The following VPS8 variants were observed in gnomAD, a reference collection of about 807,000 sequenced individuals.
VPS8 encodes vacuolar protein sorting-associated protein 8 homolog.
VPS8 carries 129 observed loss-of-function variants against 216.4 expected under a neutral mutation model. That is an observed-to-expected ratio of 0.60 (90% CI 0.52 to 0.69). The LOEUF (loss-of-function observed/expected upper bound fraction) is 0.69. Ranked by LOEUF, VPS8 falls within the 30% of genes least tolerant of loss-of-function variation. The probability of loss-of-function intolerance (pLI) is 0.00; values close to 1 mark genes in which losing one functional copy is unlikely to be tolerated. For synonymous variants in VPS8, 571 were observed against 565.4 expected, an observed-to-expected ratio of 1.01 and a Z score of -0.14; for missense variants, 1,531 against 1,683.5, an observed-to-expected ratio of 0.91 and a Z score of 1.59.
intron 47 of VPS8, 127 bp downstream of exon 47, chr3:185,048,686 T>C: frequency 1.0e-6 from 1 of 964,552 alleles, no homozygotes; most frequent in Non-Finnish European, 1.5e-6. Context: ...ATCCCTGTTA[T>C]GGCTACATGG....
intron 44 of VPS8, among the ~76,000 whole-genome samples, chr3:184,996,891 A>G (rs1752683931): frequency 6.6e-6 from 1 of 152,200 alleles, no homozygotes; most frequent in African/African-American, 2.4e-5. Flanking sequence ...CTGGTGTATT[A>G]GATGTGGAGT....
chr3:184,869,014 A>G lies in VPS8; in HGVS notation c.1575A>G (p.Glu525=). 6.2e-7 allele frequency: 1 copy of G among 1,608,670 alleles called. No homozygotes were observed. Among genetic ancestry groups the G allele is most frequent in the African/African-American group, 1.3e-5 (1 of 75,006 alleles). ...TGGCTCTTGCGTGGTCTTTCCATGA[A>G]GGAAAAGCAAAAGCAGTAGTGGGTG... The part of the protein sequence containing the change: ...EALALAWSFH[E]GKAKAVVGLS... The change falls in exon 19 of 48, where the codon GAA becomes GAG. Residue 525 remains glutamate, a synonymous_variant. Coordinates refer to ENST00000625842, the MANE Select transcript of VPS8 (RefSeq NM_001009921.3).
intron 15 of VPS8, 49 bp from the exon 16 acceptor site, chr3:184,862,848 T>C: frequency 6.4e-7 from 1 of 1,567,488 alleles, no homozygotes; most frequent in Non-Finnish European, 8.7e-7. Context: ...ACCCAAATGA[T>C]GAAGCGGGTG....
intron 1 of VPS8, chr3:184,817,356 A>C (rs1405020648): frequency 2.0e-5 from 3 of 152,364 alleles, no homozygotes; most frequent in Non-Finnish European, 2.9e-5. Flanking sequence ...TGAACAAGGC[A>C]GATCTGGTCT....
In VPS8 at chr3:184,964,509, A is replaced by C; in HGVS notation, c.3225A>C (p.Leu1075=). The change falls in exon 38 of 48, where the codon CTA becomes CTC. Residue 1075 remains leucine, a synonymous_variant. Coordinates refer to ENST00000625842, the MANE Select transcript of VPS8 (RefSeq NM_001009921.3). Reference sequence around the variant, plus strand: ...AACTTCATGAAGTCACCGCTTATCTATTGGAAAAGAAAGGAGATATTCATG... The same window carrying C: ...AACTTCATGAAGTCACCGCTTATCTCTTGGAAAAGAAAGGAGATATTCATG... ...KYQLHEVTAY[L]LEKKGDIHGA... is the part of the protein sequence containing the mutation. 2 of 1,520,106 alleles carry C rather than the reference A, an allele frequency of 1.3e-6. No homozygotes were observed. Among genetic ancestry groups the C allele is most frequent in the Non-Finnish European group, 1.8e-6 (2 of 1,128,852 alleles). 94.2% of individuals were successfully genotyped at this position (1,520,106 alleles called of 1,614,324 possible).
At chr3:184,899,425 G>A (rs1002778228) in intron 24 of VPS8, among the ~76,000 whole-genome samples, 1 of 152,182 alleles carries the variant, frequency 6.6e-6, no homozygotes, top group African/African-American at 2.4e-5. Context: ...TTCTATGATA[G>A]GTAGGCTTCT....
chr3:184,915,714 C>T (rs1376622556), intron 28 of VPS8, among the ~76,000 whole-genome samples: 1 of 152,126 alleles, frequency 6.6e-6, no homozygotes, highest in African/African-American at 2.4e-5. Flanking sequence ...GAGGCTGAGG[C>T]AGGAGAATTG....
intron 39 of VPS8, among the ~76,000 whole-genome samples, chr3:184,970,894 T>G (rs1438731365): frequency 6.6e-6 from 1 of 152,208 alleles, no homozygotes; most frequent in African/African-American, 2.4e-5. Context: ...TGTGGTCATA[T>G]GCAAGCACAG....
At chr3:184,852,820 A>G (rs1374947393) in intron 11 of VPS8, among the ~76,000 whole-genome samples, 1 of 152,188 alleles carries the variant, frequency 6.6e-6, no homozygotes, top group Non-Finnish European at 1.5e-5. Flanking sequence ...ATATGCTGTC[A>G]AGCTTGGGAC....
rs147317730 is a variant in VPS8, at chr3:184,941,243, C to CATTTAAATCTTGAATAGGCTGTGGTAT, written c.3035+1026_3035+1027insTATTTAAATCTTGAATAGGCTGTGGTA. On this transcript the variant is annotated intron_variant, in intron 36 of 47. Transcript: ENST00000625842. ...TGTAAAATTTTTTTGAAAGCTCAACCATTTAAATCTTGAATAGGCTGTGGT... is the reference window on the plus strand; with the variant it reads ...TGTAAAATTTTTTTGAAAGCTCAACCATTTAAATCTTGAATAGGCTGTGGTATATTTAAATCTTGAATAGGCTGTGGT... 9.7e-4 allele frequency among the ~76,000 whole-genome samples: 78 copies of CATTTAAATCTTGAATAGGCTGTGGTAT among 80,506 alleles called. 1 individual carries two copies. In the Middle Eastern group the frequency reaches 0.029, roughly 30 times the overall value. The allele number at this position is 80,506 out of a possible 152,430, so 52.8% of individuals were successfully genotyped here. A position where few individuals can be genotyped will look rare whatever the true frequency, so the allele number is the denominator to read the frequency against.
intron 2 of VPS8, among the ~76,000 whole-genome samples, chr3:184,825,425 A>G (rs1189915076): frequency 6.6e-6 from 1 of 152,210 alleles, no homozygotes; most frequent in Non-Finnish European, 1.5e-5. Context: ...GAGTATGAGA[A>G]TAACAGCATG....
At chr3:185,001,611 G>A (rs4686950) in intron 45 of VPS8, among the ~76,000 whole-genome samples, 135,179 of 149,700 alleles carry the variant, frequency 0.9, 61,481 homozygotes, top group Non-Finnish European at 0.98. Context: ...TGGAGGTTTC[G>A]TTATGTAGTC....
At chr3:184,840,053 C>A in intron 7 of VPS8, 1 of 389,392 alleles carries the variant, frequency 2.6e-6, no homozygotes, top group Non-Finnish European at 3.7e-6. Context: ...ATCTTGTCTG[C>A]CTCCGGTTGT....
intron 45 of VPS8, among the ~76,000 whole-genome samples, chr3:185,012,187 A>G (rs1755105537): frequency 6.7e-6 from 1 of 149,956 alleles, no homozygotes; most frequent in African/African-American, 2.4e-5. Context: ...GAAGTCTATC[A>G]TATATACAAA....
intron 46 of VPS8, among the ~76,000 whole-genome samples, chr3:185,043,704 C>G (rs1479987526): frequency 6.6e-6 from 1 of 152,154 alleles, no homozygotes; most frequent in Non-Finnish European, 1.5e-5. Flanking sequence ...CCATTAGCTG[C>G]TCTCTCGTTC....
chr3:184,966,168 G>A (rs1263920264), intron 38 of VPS8, among the ~76,000 whole-genome samples: 1 of 152,162 alleles, frequency 6.6e-6, no homozygotes, highest in South Asian at 2.1e-4. Flanking sequence ...ATGAGAGGGA[G>A]CAAGAGTGGG....
chr3:184,843,226 C>T lies in VPS8; in HGVS notation c.536-14C>T. On this transcript the variant is annotated splice_polypyrimidine_tract_variant and intron_variant, in intron 7 of 47. Transcript: ENST00000625842. ...TCTTTATCTTTCTTGATCTTTTCTTCATGGATTCAAAAGGAAAAGGTATAG... is the reference window on the plus strand; with the variant it reads ...TCTTTATCTTTCTTGATCTTTTCTTTATGGATTCAAAAGGAAAAGGTATAG... 7.0e-7 allele frequency: 1 copy of T among 1,424,580 alleles called. No homozygotes were observed. The highest frequency in any genetic ancestry group is 9.3e-7 in the Non-Finnish European group (1 of 1,079,042). 88.2% of individuals were successfully genotyped at this position (1,424,580 alleles called of 1,614,324 possible).
chr3:184,880,412 G>A (rs1407904334), intron 21 of VPS8, among the ~76,000 whole-genome samples: 2 of 151,984 alleles, frequency 1.3e-5, no homozygotes, highest in East Asian at 3.9e-4. Context: ...GAATCATAGA[G>A]TGTGTAACCT....
chr3:184,929,468 G>A, intron 32 of VPS8, 112 bp from the exon 33 acceptor site: 3 of 652,980 alleles, frequency 4.6e-6, no homozygotes, highest in Non-Finnish European at 8.0e-6. Flanking sequence ...TGGATTATAA[G>A]CATGAGCCAG....
Sources: allele counts gnomAD v4.1 joint callset (sites outside exome capture counted in the v4.1 genomes callset), GRCh38; gene constraint gnomAD v4.1.1; transcripts MANE v1.5; gene names NCBI Gene and HGNC (gene_info 2026-07-23, HGNC 2026-07-21).